Variants in DROSHA observed in about 807,000 individuals in gnomAD.
DROSHA encodes drosha ribonuclease III.
In DROSHA, 56 loss-of-function variants were observed where a neutral mutation model predicts 181.9. The ratio of observed to expected loss-of-function variants is 0.31; its 90% CI spans 0.25 to 0.38. The LOEUF (loss-of-function observed/expected upper bound fraction) is 0.38. Among genes scored for constraint, DROSHA ranks in the 10% least tolerant of loss-of-function variants. The probability of loss-of-function intolerance (pLI) is 1.00; values close to 1 mark genes in which losing one functional copy is unlikely to be tolerated. For synonymous variants in DROSHA, 524 were observed against 591.2 expected (o/e 0.89, Z 1.65); for missense variants, 1,218 against 1,743.5 (o/e 0.70, Z 5.37).
At chr5:31,455,457 TAA>T (rs1216528955) in intron 20 of DROSHA, among the ~76,000 whole-genome samples, 1 of 151,794 alleles carries the variant, frequency 6.6e-6, no homozygotes, top group East Asian at 1.9e-4. Context: ...TTTCCTGAGA[TAA>T]AAGACAACTT....
Position 31,431,640 on chromosome 5 carries a change from C to T in DROSHA, c.3081G>A (p.Gly1027=), listed in dbSNP as rs1378775175. The T allele has an allele frequency of 2.5e-6, 4 of 1,613,920 alleles. No individual in the cohort carries two copies. Among genetic ancestry groups the T allele is most frequent in the Non-Finnish European group, 3.4e-6 (4 of 1,179,868 alleles). ...GGTCCGATTCTCTACAAAGGTCAGG[C>T]CCGTGAGCATACAGCATAAATCGAT... is the stretch of plus-strand genomic sequence containing the variant. ...ELDRFMLYAH[G]PDLCRESDLR... is the part of the protein sequence containing the mutation. Residue 1027 remains glycine, a synonymous_variant, in exon 26 of 36, where the codon GGG becomes GGA. Coordinates refer to ENST00000344624, the MANE Select transcript of DROSHA (RefSeq NM_001382508.1).
chr5:31,521,326 G>T (rs1739874469), intron 5 of DROSHA, 111 bp from the exon 6 acceptor site: 5 of 1,177,642 alleles, frequency 4.2e-6, no homozygotes, highest in Admixed American at 3.7e-5. Context: ...GAATTTTTCA[G>T]GCACTGTTCA....
At chr5:31,512,552 C>T (rs546875422) in intron 8 of DROSHA, among the ~76,000 whole-genome samples, 2 of 152,264 alleles carry the variant, frequency 1.3e-5, no homozygotes, top group Non-Finnish European at 2.9e-5. Flanking sequence ...GCCACCAGCC[C>T]CTCCCAAAGA....
intron 16 of DROSHA, among the ~76,000 whole-genome samples, chr5:31,482,772 A>AT (rs11463397): frequency 0.92 from 139,348 of 151,780 alleles, 64,340 homozygotes; most frequent in Non-Finnish European, 0.98. Context: ...AAGGAGAAAG[A>AT]TTTGCAAACA....
intron 3 of DROSHA, among the ~76,000 whole-genome samples, chr5:31,529,759 A>C (rs1057417074): frequency 3.5e-4 from 53 of 151,598 alleles, no homozygotes; most frequent in African/African-American, 8.5e-4. Context: ...AAAAAAAAAA[A>C]CAAACCATGT....
Position 31,526,801 on chromosome 5 carries a change from A to G in DROSHA, c.132T>C (p.Pro44=). 1 of 1,611,152 alleles carries G rather than the reference A, an allele frequency of 6.2e-7. No homozygotes were observed. Reference sequence around the variant, plus strand: ...ATTGATATTGCACAGGAGGCTGCTGAGGGTGAAGCAGCCTCAGATTTTGGG... The same window carrying G: ...ATTGATATTGCACAGGAGGCTGCTGGGGGTGAAGCAGCCTCAGATTTTGGG... ...FRPQNLRLLH[P]QQPPVQYQYE... The change falls in exon 5 of 36, where the codon CCT becomes CCC. Residue 44 remains proline, a synonymous_variant. Transcript: ENST00000344624.
intron 4 of DROSHA, among the ~76,000 whole-genome samples, chr5:31,528,438 A>G (rs1740848819): frequency 1.3e-5 from 2 of 152,206 alleles, no homozygotes; most frequent in South Asian, 4.1e-4. Flanking sequence ...GACACCATTA[A>G]TAGTCCTTAA....
chr5:31,434,835 C>T (rs1188660286), intron 25 of DROSHA, among the ~76,000 whole-genome samples: 1 of 152,206 alleles, frequency 6.6e-6, no homozygotes, highest in Admixed American at 6.5e-5. Flanking sequence ...ATTAAATAAA[C>T]CCAGAAGTCT....
chr5:31,452,612 G>A (rs1490274244), intron 20 of DROSHA, among the ~76,000 whole-genome samples: 1 of 152,168 alleles, frequency 6.6e-6, no homozygotes, highest in African/African-American at 2.4e-5. Context: ...TATTATTTCA[G>A]TCTTTGAAGT....
intron 4 of DROSHA, among the ~76,000 whole-genome samples, chr5:31,528,746 T>A (rs1418223254): frequency 6.6e-6 from 1 of 152,236 alleles, no homozygotes; most frequent in Admixed American, 6.5e-5. Flanking sequence ...TAGCAGGTCC[T>A]ACAATAATTA....
chr5:31,465,888 C>G (rs947951575), intron 19 of DROSHA, among the ~76,000 whole-genome samples: 2 of 152,262 alleles, frequency 1.3e-5, no homozygotes, highest in South Asian at 4.1e-4. Context: ...GCTTCTTGTA[C>G]AGCCTGCAGA....
intron 15 of DROSHA, among the ~76,000 whole-genome samples, chr5:31,484,380 C>CAAAAAAAAA (rs377304788): frequency 6.0e-5 from 5 of 82,986 alleles, no homozygotes; most frequent in East Asian, 6.1e-4. Context: ...GACTCCGTCT[C>CAAAAAAAAA]AAAAAAAAAA....
chr5:31,410,969 G>A (rs955818071), intron 30 of DROSHA, 82 bp from the exon 31 acceptor site: 2 of 1,566,660 alleles, frequency 1.3e-6, no homozygotes, highest in Non-Finnish European at 1.7e-6. Flanking sequence ...CAACTAGCCT[G>A]AGAGGCTGTC....
Position 31,532,056 on chromosome 5 carries a change from A to T in DROSHA, c.-316T>A, listed in dbSNP as rs559719183. ...AGCCAGGCTACTACCGCAGGTACCAAGACAGTGGCACCGCCCGCGCCTCCG... is the reference window on the plus strand; with the variant it reads ...AGCCAGGCTACTACCGCAGGTACCATGACAGTGGCACCGCCCGCGCCTCCG... On this transcript the variant is annotated 5_prime_UTR_variant, in exon 1 of 36. It adds an upstream start codon to the 5' untranslated region. Transcript: ENST00000344624. 1 of 371,140 alleles carries T rather than the reference A, an allele frequency of 2.7e-6. No homozygotes were observed. The highest frequency in any genetic ancestry group is 5.0e-6 in the Non-Finnish European group (1 of 201,528). 23.0% of individuals were successfully genotyped at this position (371,140 alleles called of 1,614,324 possible).
At chr5:31,530,024 A>C (rs1330461861) in intron 3 of DROSHA, among the ~76,000 whole-genome samples, 1 of 152,260 alleles carries the variant, frequency 6.6e-6, no homozygotes. Context: ...AAGTCTCATC[A>C]ATAGAACTTT....
At chr5:31,486,442 C>A in intron 14 of DROSHA, 49 bp downstream of exon 14, 1 of 1,589,658 alleles carries the variant, frequency 6.3e-7, no homozygotes, top group South Asian at 1.1e-5. Context: ...TAGTATGGAA[C>A]AAGCAAAAGA....
intron 20 of DROSHA, among the ~76,000 whole-genome samples, chr5:31,452,497 C>G (rs1273969048): frequency 6.6e-6 from 1 of 152,046 alleles, no homozygotes; most frequent in Non-Finnish European, 1.5e-5. Flanking sequence ...TTTTTCTTTT[C>G]CTTAATACTA....
intron 30 of DROSHA, among the ~76,000 whole-genome samples, chr5:31,418,359 C>A (rs554565064): frequency 6.6e-6 from 1 of 152,166 alleles, no homozygotes; most frequent in East Asian, 1.9e-4. Flanking sequence ...AACCACAGCT[C>A]CTGGGCTCAA....
chr5:31,424,005 C>G (rs1200107489), intron 28 of DROSHA, among the ~76,000 whole-genome samples: 2 of 152,134 alleles, frequency 1.3e-5, no homozygotes, highest in East Asian at 1.9e-4. Context: ...TTAGATCATA[C>G]GTTAACAATG....
Sources: gnomAD v4.1 joint callset for allele counts (sites outside exome capture counted in the v4.1 genomes callset) on GRCh38, gnomAD v4.1.1 for gene constraint, MANE v1.5 for transcripts, NCBI Gene and HGNC (gene_info 2026-07-23, HGNC 2026-07-21) for gene names.